The following WDR20 variants were observed in gnomAD, a reference collection of about 807,000 sequenced individuals.
WDR20 encodes the protein WD repeat domain 20, also known as WD repeat-containing protein 20.
Under a neutral mutation model 38.7 loss-of-function variants are expected in WDR20, and 3 were observed. The observed-to-expected ratio is 0.08, with a 90% CI of 0.04 to 0.20. The LOEUF (loss-of-function observed/expected upper bound fraction) is 0.20. Among genes scored for constraint, WDR20 ranks in the 10% least tolerant of loss-of-function variants. WDR20 has a pLI of 1.00. For missense variants in WDR20, 559 were observed against 727.7 expected, an observed-to-expected ratio of 0.77 and a Z score of 2.67; for synonymous variants, 298 against 285.6, an observed-to-expected ratio of 1.04 and a Z score of -0.44.
At chr14:102,212,503 G>A, downstream of WDR20, 1 of 1,535,820 alleles carries the variant, frequency 6.5e-7, no homozygotes, top group Non-Finnish European at 8.7e-7. Context: ...TCTGACTGCT[G>A]CCCCTTTCTT....
chr14:102,200,537 T>G (rs540258809), intron 2 of WDR20, among the ~76,000 whole-genome samples: 21 of 151,716 alleles, frequency 1.4e-4, no homozygotes, highest in South Asian at 1.3e-3. Context: ...GAAGTTTGCT[T>G]TTTATAACTA....
At position 102,208,777 on chromosome 14, in the gene WDR20, A is replaced by G; in HGVS notation, c.607A>G (p.Thr203Ala). ...GCAGGGAGAGAGCTTTGCCGTGCAC[A>G]CTTGCAAGAGCAAATCCACGAGGAA... ...LKQGESFAVHTCKSKSTRNPL... is the reference protein window; with the variant it reads ...LKQGESFAVHACKSKSTRNPL... The change falls in exon 3 of 3, where the codon ACT (threonine) becomes GCT (alanine). Residue 203 changes from threonine (T) to alanine (A), a missense_variant. Physicochemically the swap from Thr to Ala is moderately conservative, Grantham distance 58. Coordinates refer to ENST00000342702, the MANE Select transcript of WDR20 (RefSeq NM_144574.4). This position sits in a 1 kb window ranked among gnomAD's most constrained non-coding sequence, Gnocchi z 5.6. The G allele has an allele frequency of 6.2e-7, 1 of 1,614,244 alleles. No homozygotes were observed. The highest frequency in any genetic ancestry group is 8.5e-7 in the Non-Finnish European group (1 of 1,180,046).
chr14:102,177,318 C>G (rs886863494), intron 1 of WDR20, among the ~76,000 whole-genome samples: 1 of 152,164 alleles, frequency 6.6e-6, no homozygotes, highest in Admixed American at 6.5e-5. Flanking sequence ...TTACTTCTTA[C>G]GTTTACAGAA....
chr14:102,213,241 T>C (rs2062780379), downstream of WDR20: 3 of 985,462 alleles, frequency 3.0e-6, no homozygotes, highest in African/African-American at 1.7e-5. Flanking sequence ...AGAAGGAGAA[T>C]TAAAAATTCC....
intron 1 of WDR20, among the ~76,000 whole-genome samples, chr14:102,150,378 A>G (rs1434404535): frequency 2.0e-5 from 3 of 152,094 alleles, no homozygotes; most frequent in African/African-American, 7.2e-5. Context: ...GGGCCGAGGT[A>G]AGAGGATTGC....
At chr14:102,212,754 C>T, downstream of WDR20, 1 of 1,359,130 alleles carries the variant, frequency 7.4e-7, no homozygotes, top group Non-Finnish European at 9.5e-7. Context: ...GCTGCTAACC[C>T]TAGGAGAAAT....
downstream of WDR20, among the ~76,000 whole-genome samples, chr14:102,219,861 G>T (rs1756326123): frequency 6.6e-6 from 1 of 152,262 alleles, no homozygotes; most frequent in Non-Finnish European, 1.5e-5. Context: ...AGGAGGACAG[G>T]TTTGAGGGCG....
intron 1 of WDR20, among the ~76,000 whole-genome samples, chr14:102,176,265 T>C (rs992202008): frequency 1.3e-5 from 2 of 151,604 alleles, no homozygotes; most frequent in African/African-American, 4.8e-5. Flanking sequence ...CGTGGTGGCA[T>C]GCACCTGTAG....
intron 1 of WDR20, among the ~76,000 whole-genome samples, chr14:102,170,324 A>G (rs1001965934): frequency 1.6e-4 from 25 of 152,208 alleles, no homozygotes; most frequent in African/African-American, 5.5e-4. Flanking sequence ...CCTTGTTGCT[A>G]GTATATCTGA....
Position 102,209,803 on chromosome 14 carries a change from T to G in WDR20, c.1633T>G (p.Cys545Gly). Residue 545 changes from cysteine (C) to glycine (G), a missense_variant, in exon 3 of 3, where the codon TGT becomes GGT. Cys to Gly is a radical substitution (Grantham distance 159). Coordinates refer to ENST00000342702, the MANE Select transcript of WDR20 (RefSeq NM_144574.4). The surrounding 1 kb of genome is among the most constrained non-coding windows in gnomAD (Gnocchi z 6.0). Reference sequence around the variant, plus strand: ...GACTGTACTAATATTTCTTGAAGACTGTATAGTCACTGCTTGTCAGGAGGG... The same window carrying G: ...GACTGTACTAATATTTCTTGAAGACGGTATAGTCACTGCTTGTCAGGAGGG... ...RLTVLIFLED[C>G]IVTACQEGFI... The G allele has an allele frequency of 6.2e-7, 1 of 1,614,028 alleles. No homozygotes were observed. Among genetic ancestry groups the G allele is most frequent in the Non-Finnish European group, 8.5e-7 (1 of 1,180,038 alleles).
intron 1 of WDR20, among the ~76,000 whole-genome samples, chr14:102,145,648 C>T (rs942545093): frequency 4.6e-5 from 7 of 152,088 alleles, no homozygotes; most frequent in African/African-American, 1.7e-4. Flanking sequence ...TCATGTGCCT[C>T]TAGTCCCACC....
At chr14:102,195,266 G>A (rs973291127) in intron 2 of WDR20, 146 bp downstream of exon 2, 16 of 859,818 alleles carry the variant, frequency 1.9e-5, no homozygotes, top group Non-Finnish European at 2.6e-5. Flanking sequence ...AAGTTTAAAT[G>A]TGGTGGATTA....
At chr14:102,212,601 G>A, downstream of WDR20, 2 of 1,535,750 alleles carry the variant, frequency 1.3e-6, no homozygotes, top group Non-Finnish European at 1.7e-6. Context: ...AACAGCTTGA[G>A]AAGAGGGCAC....
At position 102,220,932 on chromosome 14, in the gene WDR20, G is replaced by A. The variant is rs746084720; in HGVS notation, c.1693-1898G>A. Reference sequence around the variant, plus strand: ...ATGACAGCCGTGCGCCACCACACCCGGCTAATTTTGTATTAGTAGAGATGG... The same window carrying A: ...ATGACAGCCGTGCGCCACCACACCCAGCTAATTTTGTATTAGTAGAGATGG... On this transcript the variant is annotated intron_variant, in intron 3 of 3. Coordinates refer to the WDR20 transcript ENST00000335263. This position sits in a 1 kb window ranked among gnomAD's most constrained non-coding sequence, Gnocchi z 4.2. Among the ~76,000 whole-genome samples, 3 of 151,956 alleles carry A rather than the reference G, an allele frequency of 2.0e-5. No homozygotes were observed. Among genetic ancestry groups the A allele is most frequent in the Non-Finnish European group, 2.9e-5 (2 of 67,972 alleles).
intron 1 of WDR20, among the ~76,000 whole-genome samples, chr14:102,193,789 C>T (rs547364624): frequency 5.6e-4 from 85 of 151,794 alleles, no homozygotes; most frequent in Non-Finnish European, 9.1e-4. Flanking sequence ...GAACTAGAGC[C>T]GGGAGCCCCA....
chr14:102,139,469 TC>T (rs2050189735), upstream of WDR20: 1 of 1,454,764 alleles, frequency 6.9e-7, no homozygotes, highest in East Asian at 2.5e-5. Flanking sequence ...GTGGCGCTCT[TC>T]CTCCGCTCTT....
At position 102,207,686 on chromosome 14, in the gene WDR20, G is replaced by C. The variant is rs1174339099; in HGVS notation, c.433-917G>C. ...TTTTGCGCTCAGACGGTCCAGAAAG[G>C]GACCGCCCCTGTGGAAGGTGTTGCG... On this transcript the variant is annotated intron_variant, in intron 2 of 2. Transcript: ENST00000342702. This position sits in a 1 kb window ranked among gnomAD's most constrained non-coding sequence, Gnocchi z 5.0. 6.6e-6 allele frequency among the ~76,000 whole-genome samples: 1 copy of C among 152,210 alleles called. No homozygotes were observed. Among genetic ancestry groups the C allele is most frequent in the African/African-American group, 2.4e-5 (1 of 41,454 alleles).
intron 1 of WDR20, 118 bp from the exon 2 acceptor site, chr14:102,194,818 AAC>A (rs1180476599): frequency 3.2e-5 from 37 of 1,154,524 alleles, no homozygotes; most frequent in Non-Finnish European, 4.2e-5. Context: ...CAACTGAAAA[AAC>A]ATTTTAAATC....
At chr14:102,193,386 C>A in intron 1 of WDR20, 1 of 1,497,390 alleles carries the variant, frequency 6.7e-7, no homozygotes, top group South Asian at 1.1e-5. Context: ...TCAGGACTCC[C>A]TTTTGTTTTG....
Sources: allele counts gnomAD v4.1 joint callset (sites outside exome capture counted in the v4.1 genomes callset), GRCh38; gene constraint gnomAD v4.1.1; non-coding constraint Gnocchi (gnomAD v3.1); transcripts MANE v1.5; gene names NCBI Gene and HGNC (gene_info 2026-07-23, HGNC 2026-07-21).